The following RFWD3 variants were observed in gnomAD, a reference collection of about 807,000 sequenced individuals.
RFWD3 encodes ring finger and WD repeat domain 3, also known as E3 ubiquitin-protein ligase RFWD3.
A neutral mutation model predicts 87.7 loss-of-function variants in RFWD3; 65 were observed. The ratio of observed to expected loss-of-function variants is 0.74; its 90% CI spans 0.61 to 0.91. The LOEUF is 0.91. RFWD3 is among the 40% of genes least tolerant of loss of function. The pLI, the probability that RFWD3 is intolerant of heterozygous loss-of-function variation, is 0.00. For synonymous variants in RFWD3, 433 were observed against 352.8 expected, an observed-to-expected ratio of 1.23 and a Z score of -2.55; for missense variants, 1,078 against 938.5, an observed-to-expected ratio of 1.15 and a Z score of -1.94.
chr16:74,655,485 G>C (rs1960898849), intron 2 of RFWD3, among the ~76,000 whole-genome samples: 1 of 150,598 alleles, frequency 6.6e-6, no homozygotes, highest in Non-Finnish European at 1.5e-5. Context: ...CTGACCTCGT[G>C]ATTCGCCCGC....
At chr16:74,662,279 G>A (rs545392025) in intron 1 of RFWD3, among the ~76,000 whole-genome samples, 48 of 152,222 alleles carry the variant, frequency 3.2e-4, no homozygotes, top group African/African-American at 1.1e-3. Flanking sequence ...AGTTTTTAAA[G>A]TACATCAGTA....
chr16:74,639,868 A>T (rs555303666), intron 6 of RFWD3, among the ~76,000 whole-genome samples: 2 of 152,202 alleles, frequency 1.3e-5, no homozygotes, highest in Admixed American at 6.6e-5. Context: ...ATGGTTTCTG[A>T]TATCTGTGAT....
At chr16:74,658,148 C>A (rs539569703) in intron 2 of RFWD3, among the ~76,000 whole-genome samples, 1 of 152,136 alleles carries the variant, frequency 6.6e-6, no homozygotes, top group Non-Finnish European at 1.5e-5. Flanking sequence ...CCTGCACTTA[C>A]CAACTTTGAA....
At position 74,665,144 on chromosome 16, in the gene RFWD3, G is replaced by C. The variant is rs75355556; in HGVS notation, c.-3+1642C>G. ...AAAGGTTGAGAAGAGGTGGGCGGGG[G>C]AAGTGTTCAAATCTTTGCTCTGGCC... On this transcript the variant is annotated intron_variant, in intron 1 of 12. Transcript: ENST00000361070. The C allele has an allele frequency of 3.8e-3, 585 of 152,400 alleles. 2 individuals carry two copies. The highest frequency in any genetic ancestry group is 6.1e-3 in the Non-Finnish European group (413 of 68,118). The allele number at this position is 152,400 out of a possible 1,614,324, so 9.4% of individuals were successfully genotyped here.
intron 6 of RFWD3, among the ~76,000 whole-genome samples, chr16:74,640,807 C>T (rs1026601204): frequency 2.6e-5 from 4 of 151,828 alleles, no homozygotes; most frequent in Non-Finnish European, 5.9e-5. Context: ...GGCGTGGTGG[C>T]GGGTGCCTGT....
chr16:74,643,842 AT>A (rs1218042727), intron 6 of RFWD3: 14 of 162,126 alleles, frequency 8.6e-5, no homozygotes, highest in East Asian at 5.0e-4. Flanking sequence ...TGCCCGGCTA[AT>A]TTTTTTGTAT....
intron 8 of RFWD3, among the ~76,000 whole-genome samples, chr16:74,633,279 GAA>G (rs59964330): frequency 1.8e-5 from 2 of 111,010 alleles, no homozygotes; most frequent in Non-Finnish European, 1.9e-5. Context: ...CTCCGTCTCA[GAA>G]AAAAAAAAAA....
At chr16:74,641,581 C>G (rs963988685) in intron 6 of RFWD3, among the ~76,000 whole-genome samples, 2 of 151,978 alleles carry the variant, frequency 1.3e-5, no homozygotes, top group Non-Finnish European at 2.9e-5. Context: ...AGCAAAAAAG[C>G]AAGCTACAGA....
rs1007485843 is a variant in RFWD3 at position 74,658,854 on chromosome 16, G to A, written c.518+2078C>T. On this transcript the variant is annotated intron_variant, in intron 2 of 12. Transcript: ENST00000361070. ...AAGATCTTGGCTCACTGCAAGCTCC[G>A]CCTCCTAGGTTCAAGGAATTCTCAT... 4.0e-5 allele frequency among the ~76,000 whole-genome samples: 6 copies of A among 150,188 alleles called. No homozygotes were observed. In the Admixed American group the frequency reaches 4.0e-4, roughly 10 times the overall value.
intron 2 of RFWD3, among the ~76,000 whole-genome samples, chr16:74,657,280 G>A (rs1961060345): frequency 6.6e-6 from 1 of 152,144 alleles, no homozygotes. Context: ...AATAAGGAAT[G>A]CCATAGAGCT....
At chr16:74,646,234 T>C (rs1326827739) in intron 4 of RFWD3, among the ~76,000 whole-genome samples, 1 of 151,804 alleles carries the variant, frequency 6.6e-6, no homozygotes, top group African/African-American at 2.4e-5. Flanking sequence ...AAATTAGCCA[T>C]GTGTGGTGGC....
rs189867313 is a variant in RFWD3, at chr16:74,646,602, A to T, written c.793-1867T>A. On this transcript the variant is annotated intron_variant, in intron 4 of 12. Transcript: ENST00000361070. ...GGAGATCGAGACCATCCTGGCTGACATGGTGAAACCTCGTCTCTACTAAAA... is the reference window on the plus strand; with the variant it reads ...GGAGATCGAGACCATCCTGGCTGACTTGGTGAAACCTCGTCTCTACTAAAA... Among the ~76,000 whole-genome samples the T allele has an allele frequency of 1.6e-4, 24 of 152,266 alleles. No individual in the cohort carries two copies. The East Asian group carries it at 4.4e-3, about 28-fold the overall frequency.
rs1959201277 is a variant in RFWD3 at position 74,636,541 on chromosome 16, A to C, written c.1231T>G (p.Leu411Val). Residue 411 changes from leucine to valine, a missense_variant, in exon 8 of 13, where the codon TTA becomes GTA. Coordinates refer to ENST00000361070, the MANE Select transcript of RFWD3 (RefSeq NM_018124.4). ...QKLTSHQSQNLQQPRGSQAWV... is the reference protein window; with the variant it reads ...QKLTSHQSQNVQQPRGSQAWV... ...GCTTGGGAGCCCCTGGGTTGCTGTA[A>C]ATTCTGACTTTGATGTGACGTAAGT... The C allele has an allele frequency of 6.2e-7, 1 of 1,613,926 alleles. No individual in the cohort carries two copies. The highest frequency in any genetic ancestry group is 8.5e-7 in the Non-Finnish European group (1 of 1,180,028).
At chr16:74,626,643 T>A (rs1454904277) in intron 11 of RFWD3, 89 bp from the exon 12 acceptor site, 1 of 1,009,752 alleles carries the variant, frequency 9.9e-7, no homozygotes, top group African/African-American at 1.6e-5. Context: ...TACAACCTAG[T>A]TGGATGGAAA....
chr16:74,644,821 T>C, intron 4 of RFWD3, 86 bp from the exon 5 acceptor site: 1 of 1,283,398 alleles, frequency 7.8e-7, no homozygotes, highest in Non-Finnish European at 1.1e-6. Context: ...TTAACAGAAG[T>C]GCAAAAAAAA....
chr16:74,646,454 G>A lies in RFWD3; in HGVS notation c.793-1719C>T, dbSNP rs147727063. Among the ~76,000 whole-genome samples, 38 of 152,222 alleles carry A rather than the reference G, an allele frequency of 2.5e-4. No homozygotes were observed. The East Asian group carries it at 5.4e-3, about 22-fold the overall frequency. Reference sequence around the variant, plus strand: ...CCCAAGTAGTTGAGACAACACAGGCGTGTGCCACCATACACCAACCATGCT... The same window carrying A: ...CCCAAGTAGTTGAGACAACACAGGCATGTGCCACCATACACCAACCATGCT... On this transcript the variant is annotated intron_variant, in intron 4 of 12. Transcript: ENST00000361070.
chr16:74,623,943 G>C lies in RFWD3; in HGVS notation c.2310C>G (p.Ile770Met), dbSNP rs762877712. ...LATLTEKMVH[I>M]YKWE is the part of the protein sequence containing the mutation. The stretch of plus-strand genomic sequence containing the variant: ...GAGACCACAGTCACTCCCACTTATA[G>C]ATGTGGACCATCTTCTCTGTTAAGG... Residue 770 changes from isoleucine to methionine, a missense_variant, in exon 13 of 13, where the codon ATC becomes ATG. Coordinates refer to ENST00000361070, the MANE Select transcript of RFWD3 (RefSeq NM_018124.4). 3.7e-6 allele frequency: 6 copies of C among 1,614,090 alleles called. No homozygotes were observed. Among genetic ancestry groups the C allele is most frequent in the African/African-American group, 1.3e-5 (1 of 75,028 alleles).
At chr16:74,625,912 G>A (rs1958918160) in intron 12 of RFWD3, among the ~76,000 whole-genome samples, 1 of 152,230 alleles carries the variant, frequency 6.6e-6, no homozygotes, top group South Asian at 2.1e-4. Context: ...TCAGCTGGGT[G>A]CAATGGCTCA....
chr16:74,651,350 G>C (rs1203643163), intron 3 of RFWD3, among the ~76,000 whole-genome samples: 1 of 152,170 alleles, frequency 6.6e-6, no homozygotes, highest in African/African-American at 2.4e-5. Context: ...GGGTGCAGTG[G>C]CTCATGTCTG....
Sources: allele counts gnomAD v4.1 joint callset (sites outside exome capture counted in the v4.1 genomes callset), GRCh38; gene constraint gnomAD v4.1.1; transcripts MANE v1.5; gene names NCBI Gene and HGNC (gene_info 2026-07-23, HGNC 2026-07-21).